GALNT18: variants seen among roughly 807,000 people sequenced by gnomAD.
GALNT18 encodes the protein GalNAc-transferase 18.
GALNT18 carries 44 observed loss-of-function variants against 69.5 expected under a neutral mutation model. The observed-to-expected ratio is 0.63, with a 90% CI of 0.50 to 0.81. The LOEUF is 0.81. GALNT18 is among the 40% of genes least tolerant of loss of function. GALNT18 has a pLI of 0.00. For missense variants in GALNT18, 715 were observed against 810.0 expected, an observed-to-expected ratio of 0.88 and a Z score of 1.42; for synonymous variants, 364 against 318.2, an observed-to-expected ratio of 1.14 and a Z score of -1.53.
intron 1 of GALNT18, among the ~76,000 whole-genome samples, chr11:11,484,888 C>T (rs1005032818): frequency 7.9e-5 from 12 of 152,208 alleles, no homozygotes; most frequent in African/African-American, 2.7e-4. Flanking sequence ...GGCCCCAGGG[C>T]CTGTAGCTGG....
intron 10 of GALNT18, among the ~76,000 whole-genome samples, chr11:11,280,061 C>A (rs1376327291): frequency 2.6e-5 from 4 of 151,970 alleles, no homozygotes; most frequent in Admixed American, 2.6e-4. Context: ...GGGAGATGGC[C>A]CAGCCGATCA....
chr11:11,574,669 A>G (rs1317438572), intron 1 of GALNT18, among the ~76,000 whole-genome samples: 2 of 152,184 alleles, frequency 1.3e-5, no homozygotes, highest in African/African-American at 4.8e-5. Flanking sequence ...GCTAAAAGGA[A>G]GCAAAAGACA....
intron 1 of GALNT18, among the ~76,000 whole-genome samples, chr11:11,451,561 G>A (rs10831614): frequency 0.79 from 120,146 of 152,136 alleles, 47,928 homozygotes; most frequent in Admixed American, 0.84. Context: ...AGCAGGAAAG[G>A]TGTAATATTT....
chr11:11,305,131 G>T (rs951716413), intron 9 of GALNT18, among the ~76,000 whole-genome samples: 1 of 152,060 alleles, frequency 6.6e-6, no homozygotes, highest in Non-Finnish European at 1.5e-5. Flanking sequence ...TCTATGCAAC[G>T]AAGAGACGGT....
At position 11,480,706 on chromosome 11, in the gene GALNT18, G is replaced by C. The variant is rs755732742; in HGVS notation, c.236-31770C>G. 4.6e-5 allele frequency among the ~76,000 whole-genome samples: 7 copies of C among 152,206 alleles called. No homozygotes were observed. Among genetic ancestry groups the C allele is most frequent in the Non-Finnish European group, 1.0e-4 (7 of 68,036 alleles). ...GGCTTCAGCCTCCAGAGTCTTCCCTGACTCTCCAGATGAGTCCCTTCATCC... is the reference window on the plus strand; with the variant it reads ...GGCTTCAGCCTCCAGAGTCTTCCCTCACTCTCCAGATGAGTCCCTTCATCC... On this transcript the variant is annotated intron_variant, in intron 1 of 10. Transcript: ENST00000227756. The surrounding 1 kb of genome is among the most constrained non-coding windows in gnomAD (Gnocchi z 4.6).
At chr11:11,325,886 C>T (rs531484303) in intron 9 of GALNT18, among the ~76,000 whole-genome samples, 53 of 152,108 alleles carry the variant, frequency 3.5e-4, no homozygotes, top group African/African-American at 1.3e-3. Context: ...TGGTAGAGGT[C>T]GCAATGGACA....
Position 11,327,087 on chromosome 11 carries a change from T to A in GALNT18, c.1511A>T (p.Gln504Leu). The A allele has an allele frequency of 6.2e-7, 1 of 1,610,346 alleles. No individual in the cohort carries two copies. Among genetic ancestry groups the A allele is most frequent in the Non-Finnish European group, 8.5e-7 (1 of 1,176,588 alleles). ...IMYICHGMTP[Q>L]NVYYTSSQQI... ...ACAGGAATCTCTTAGAGGACTCACCTGAGGCGTCATCCCATGGCAGATGTA... is the reference window on the plus strand; with the variant it reads ...ACAGGAATCTCTTAGAGGACTCACCAGAGGCGTCATCCCATGGCAGATGTA... Residue 504 changes from glutamine to leucine, a missense_variant and splice_region_variant, in exon 9 of 11, where the codon CAG becomes CTG. Coordinates refer to ENST00000227756, the MANE Select transcript of GALNT18 (RefSeq NM_198516.3).
In GALNT18 at chr11:11,613,331, C is replaced by T. The variant is rs1193934604; in HGVS notation, c.235+8028G>A. Among the ~76,000 whole-genome samples, 2 of 152,272 alleles carry T rather than the reference C, an allele frequency of 1.3e-5. No individual in the cohort carries two copies. Among genetic ancestry groups the T allele is most frequent in the Admixed American group, 1.3e-4 (2 of 15,298 alleles). On this transcript the variant is annotated intron_variant, in intron 1 of 10. Transcript: ENST00000227756. The surrounding 1 kb of genome is among the most constrained non-coding windows in gnomAD (Gnocchi z 4.2). Reference sequence around the variant, plus strand: ...CCAATCACTGCCACAACATACTGTGCTGTGGAGCAGTTGTGAGGTAATTAG... The same window carrying T: ...CCAATCACTGCCACAACATACTGTGTTGTGGAGCAGTTGTGAGGTAATTAG...
rs1020944143 is a variant in GALNT18 at position 11,606,568 on chromosome 11, C to A, written c.235+14791G>T. The stretch of plus-strand genomic sequence containing the variant: ...TGAGAAGAAGCTCTGTTCCCAGATA[C>A]GGAGGCAGCATCACTAGGAGCTGTT... On this transcript the variant is annotated intron_variant, in intron 1 of 10. Transcript: ENST00000227756. This position sits in a 1 kb window ranked among gnomAD's most constrained non-coding sequence, Gnocchi z 5.4. 1.3e-5 allele frequency among the ~76,000 whole-genome samples: 2 copies of A among 152,110 alleles called. No homozygotes were observed. Among genetic ancestry groups the A allele is most frequent in the African/African-American group, 2.4e-5 (1 of 41,398 alleles).
chr11:11,309,558 C>T lies in GALNT18; in HGVS notation c.1513-16365G>A, dbSNP rs1209003863. On this transcript the variant is annotated intron_variant, in intron 9 of 10. Coordinates refer to ENST00000227756, the MANE Select transcript of GALNT18 (RefSeq NM_198516.3). This position sits in a 1 kb window ranked among gnomAD's most constrained non-coding sequence, Gnocchi z 4.6. ...GCCTTTTACACCCTGTAAACCCCAC[C>T]TCTATAGCCTTGTTCACCTTCTCCA... Among the ~76,000 whole-genome samples, 1 of 152,148 alleles carries T rather than the reference C, an allele frequency of 6.6e-6. No individual in the cohort carries two copies. Among genetic ancestry groups the T allele is most frequent in the Non-Finnish European group, 1.5e-5 (1 of 68,040 alleles).
At chr11:11,335,007 G>A (rs1850086297) in intron 7 of GALNT18, among the ~76,000 whole-genome samples, 1 of 152,172 alleles carries the variant, frequency 6.6e-6, no homozygotes, top group Admixed American at 6.5e-5. Flanking sequence ...AGAAAACTGT[G>A]TCCCAGGACC....
chr11:11,442,350 C>A (rs1371224987), intron 2 of GALNT18, among the ~76,000 whole-genome samples: 1 of 152,172 alleles, frequency 6.6e-6, no homozygotes, highest in Non-Finnish European at 1.5e-5. Context: ...CAGCAATCTT[C>A]GTTCCATCGG....
At chr11:11,507,562 A>G (rs1242410687) in intron 1 of GALNT18, among the ~76,000 whole-genome samples, 2 of 151,810 alleles carry the variant, frequency 1.3e-5, no homozygotes, top group Admixed American at 6.6e-5. Context: ...TCTTACATAG[A>G]TCCAAGCTTT....
In GALNT18 at chr11:11,377,945, A is replaced by G. The variant is rs1853814244; in HGVS notation, c.780-566T>C. On this transcript the variant is annotated intron_variant, in intron 4 of 10. Coordinates refer to ENST00000227756, the MANE Select transcript of GALNT18 (RefSeq NM_198516.3). This position sits in a 1 kb window ranked among gnomAD's most constrained non-coding sequence, Gnocchi z 4.6. ...AGGGGTGGGGCATTTGGGCTTTCCC[A>G]GGGAGCTGGGAGACCCTTGAAGGCA... is the stretch of plus-strand genomic sequence containing the variant. 6.6e-6 allele frequency among the ~76,000 whole-genome samples: 1 copy of G among 152,202 alleles called. No individual in the cohort carries two copies. Among genetic ancestry groups the G allele is most frequent in the African/African-American group, 2.4e-5 (1 of 41,456 alleles).
At position 11,309,666 on chromosome 11, in the gene GALNT18, A is replaced by C. The variant is rs1849637748; in HGVS notation, c.1513-16473T>G. On this transcript the variant is annotated intron_variant, in intron 9 of 10. Transcript: ENST00000227756. The surrounding 1 kb of genome is among the most constrained non-coding windows in gnomAD (Gnocchi z 4.6). The stretch of plus-strand genomic sequence containing the variant: ...AATCCACCACAAACTCATGATCTTT[A>C]ACCTCAACCAGGTACTTCAACACAA... Among the ~76,000 whole-genome samples the C allele has an allele frequency of 6.6e-6, 1 of 152,150 alleles. No individual in the cohort carries two copies. Among genetic ancestry groups the C allele is most frequent in the Admixed American group, 6.5e-5 (1 of 15,274 alleles).
chr11:11,596,579 T>C lies in GALNT18; in HGVS notation c.235+24780A>G, dbSNP rs1046470446. Among the ~76,000 whole-genome samples, 17 of 152,184 alleles carry C rather than the reference T, an allele frequency of 1.1e-4. No individual in the cohort carries two copies. Among genetic ancestry groups the C allele is most frequent in the Non-Finnish European group, 2.2e-4 (15 of 68,016 alleles). ...TTTTCAGAGTATGAGTTTCTGCACT[T>C]TTTTCTTAATTTCTTCCTAAGCATT... On this transcript the variant is annotated intron_variant, in intron 1 of 10. Transcript: ENST00000227756. The surrounding 1 kb of genome is among the most constrained non-coding windows in gnomAD (Gnocchi z 4.2).
chr11:11,585,949 G>A (rs1161406225), intron 1 of GALNT18, among the ~76,000 whole-genome samples: 1 of 152,038 alleles, frequency 6.6e-6, no homozygotes, highest in Non-Finnish European at 1.5e-5. Context: ...GGTCATGAGG[G>A]TAGAGCCCTC....
intron 1 of GALNT18, among the ~76,000 whole-genome samples, chr11:11,534,082 T>C (rs972496452): frequency 5.3e-5 from 8 of 152,250 alleles, no homozygotes; most frequent in Non-Finnish European, 4.4e-5. Flanking sequence ...CTGAGGCTTA[T>C]AGAGGTCGAG....
rs559722600 is a variant in GALNT18, at chr11:11,409,197, G to T, written c.595+23424C>A. On this transcript the variant is annotated intron_variant, in intron 3 of 10. Transcript: ENST00000227756. ...GTGGCCTTCTGCCCACCTGCTTCTA[G>T]CTACTGGCTCATGGGGGCAGCCAGG... 5.9e-5 allele frequency among the ~76,000 whole-genome samples: 9 copies of T among 152,270 alleles called. 1 individual carries two copies. The East Asian group carries it at 9.7e-4, about 16-fold the overall frequency.
Sources: allele counts gnomAD v4.1 joint callset (sites outside exome capture counted in the v4.1 genomes callset), GRCh38; gene constraint gnomAD v4.1.1; non-coding constraint Gnocchi (gnomAD v3.1); transcripts MANE v1.5; gene names NCBI Gene and HGNC (gene_info 2026-07-23, HGNC 2026-07-21).